Variants in KCNQ5 observed in about 807,000 individuals in gnomAD.
KCNQ5 encodes potassium voltage-gated channel subfamily Q member 5, also known as potassium voltage-gated channel subfamily KQT member 5.
KCNQ5 carries 30 observed loss-of-function variants against 98.2 expected under a neutral mutation model. That is an observed-to-expected ratio of 0.31 (90% CI 0.23 to 0.41). The LOEUF is 0.41. KCNQ5 is among the 10% of genes least tolerant of loss of function. The pLI is 1.00. For missense variants in KCNQ5, 835 were observed against 1,182.5 expected, an observed-to-expected ratio of 0.71 and a Z score of 4.31; for synonymous variants, 458 against 449.4, an observed-to-expected ratio of 1.02 and a Z score of -0.24.
intron 3 of KCNQ5, among the ~76,000 whole-genome samples, chr6:73,070,155 A>G (rs892073100): frequency 1.3e-5 from 2 of 152,234 alleles, no homozygotes; most frequent in Non-Finnish European, 2.9e-5. Flanking sequence ...TGATTCATTT[A>G]TTCTGAAATT....
At chr6:72,912,452 T>G (rs1212945171) in intron 1 of KCNQ5, among the ~76,000 whole-genome samples, 1 of 152,168 alleles carries the variant, frequency 6.6e-6, no homozygotes, top group Non-Finnish European at 1.5e-5. Flanking sequence ...ACAACTACTG[T>G]TTTCCTTTTT....
chr6:73,189,118 G>A (rs1765495950), intron 11 of KCNQ5, among the ~76,000 whole-genome samples: 1 of 151,718 alleles, frequency 6.6e-6, no homozygotes, highest in Admixed American at 6.6e-5. Context: ...ATTTTTCTCA[G>A]TTTTTTTGAT....
At chr6:73,049,247 G>A (rs563278297) in intron 3 of KCNQ5, among the ~76,000 whole-genome samples, 2 of 152,308 alleles carry the variant, frequency 1.3e-5, no homozygotes, top group South Asian at 2.1e-4. Flanking sequence ...TGTGCAGGAG[G>A]AGACTTTTAA....
At chr6:73,172,552 A>T (rs1778049699) in intron 11 of KCNQ5, among the ~76,000 whole-genome samples, 1 of 152,208 alleles carries the variant, frequency 6.6e-6, no homozygotes, top group Non-Finnish European at 1.5e-5. Flanking sequence ...TGCAGGTATA[A>T]GTCCTAAATC....
chr6:72,971,900 A>G (rs1163423012), intron 1 of KCNQ5, among the ~76,000 whole-genome samples: 2 of 152,228 alleles, frequency 1.3e-5, no homozygotes, highest in Non-Finnish European at 2.9e-5. Context: ...TGACGAGTTA[A>G]TGAGTGTAGC....
intron 1 of KCNQ5, among the ~76,000 whole-genome samples, chr6:72,655,326 A>C (rs76175462): frequency 6.6e-6 from 1 of 152,012 alleles, no homozygotes; most frequent in African/African-American, 2.4e-5. Context: ...TTTTAGCACT[A>C]TGTTAGGTGC....
At chr6:72,651,991 C>A (rs917195876) in intron 1 of KCNQ5, among the ~76,000 whole-genome samples, 1 of 151,712 alleles carries the variant, frequency 6.6e-6, no homozygotes, top group African/African-American at 2.4e-5. Flanking sequence ...TTTTTGATGA[C>A]GGTGGTTAGG....
At chr6:72,799,115 C>T (rs1774496809) in intron 1 of KCNQ5, among the ~76,000 whole-genome samples, 1 of 152,072 alleles carries the variant, frequency 6.6e-6, no homozygotes, top group Admixed American at 6.6e-5. Flanking sequence ...GACAGAGAGA[C>T]AGATTGCTTT....
At chr6:72,977,041 GTCA>G (rs1768188522) in intron 1 of KCNQ5, among the ~76,000 whole-genome samples, 2 of 152,276 alleles carry the variant, frequency 1.3e-5, no homozygotes, top group African/African-American at 2.4e-5. Flanking sequence ...ATAATTCATT[GTCA>G]TCATTGTTAT....
At chr6:72,804,309 A>G (rs1406248388) in intron 1 of KCNQ5, among the ~76,000 whole-genome samples, 1 of 150,910 alleles carries the variant, frequency 6.6e-6, no homozygotes, top group Non-Finnish European at 1.5e-5. Context: ...CATCCCCACT[A>G]CCCCCACCCC....
intron 10 of KCNQ5, chr6:73,158,254 ATTTTTTTTTT>A: frequency 4.4e-5 from 1 of 22,726 alleles, no homozygotes; most frequent in Non-Finnish European, 6.3e-5. Context: ...ATTTTGGAAG[ATTTTTTTTTT>A]TTTTTTTTTT....
chr6:73,037,403 C>A (rs1395191410), intron 2 of KCNQ5, among the ~76,000 whole-genome samples: 1 of 152,028 alleles, frequency 6.6e-6, no homozygotes, highest in Non-Finnish European at 1.5e-5. Flanking sequence ...CCTTTTATAA[C>A]TTCTGCTTTT....
chr6:72,825,809 T>C (rs577526246), intron 1 of KCNQ5, among the ~76,000 whole-genome samples: 1 of 152,126 alleles, frequency 6.6e-6, no homozygotes, highest in South Asian at 2.1e-4. Context: ...GTCAAATGAA[T>C]GAATGATGAA....
Position 72,987,523 on chromosome 6 carries a change from G to A in KCNQ5, c.399-16385G>A, listed in dbSNP as rs117214284. On this transcript the variant is annotated intron_variant, in intron 1 of 13. Coordinates refer to ENST00000370398, the MANE Select transcript of KCNQ5 (RefSeq NM_019842.4). Reference sequence around the variant, plus strand: ...AAAAACCTGTCCCCTTCGTTCAGCCGCCACCCCCTCCAAGCCCCGCAGCAC... The same window carrying A: ...AAAAACCTGTCCCCTTCGTTCAGCCACCACCCCCTCCAAGCCCCGCAGCAC... 1.2e-3 allele frequency: 791 copies of A among 657,836 alleles called. 12 individuals are homozygous for A. The East Asian group carries it at 0.022, about 19-fold the overall frequency. The allele number at this position is 657,836 out of a possible 1,614,324, so 40.7% of individuals were successfully genotyped here.
intron 1 of KCNQ5, among the ~76,000 whole-genome samples, chr6:72,828,762 C>T (rs1350957964): frequency 3.3e-5 from 5 of 151,872 alleles, no homozygotes. Context: ...ATGTGGATGC[C>T]TCTTTATTTT....
chr6:72,911,206 A>T (rs970649140), intron 1 of KCNQ5, among the ~76,000 whole-genome samples: 5 of 152,160 alleles, frequency 3.3e-5, no homozygotes, highest in African/African-American at 1.2e-4. Flanking sequence ...ATGACACCCA[A>T]CCCCAAATTT....
At chr6:72,953,515 A>G (rs1417416946) in intron 1 of KCNQ5, among the ~76,000 whole-genome samples, 1 of 152,222 alleles carries the variant, frequency 6.6e-6, no homozygotes. Context: ...TTCAAATCCA[A>G]TGAATCATAC....
At chr6:73,173,130 T>C (rs1473035066) in intron 11 of KCNQ5, among the ~76,000 whole-genome samples, 1 of 152,218 alleles carries the variant, frequency 6.6e-6, no homozygotes, top group Non-Finnish European at 1.5e-5. Flanking sequence ...AAAATATGTC[T>C]TTTACTCAGA....
intron 1 of KCNQ5, among the ~76,000 whole-genome samples, chr6:72,873,144 T>A (rs1455347797): frequency 2.6e-5 from 4 of 152,132 alleles, no homozygotes; most frequent in African/African-American, 9.7e-5. Context: ...TTGTTTTCAT[T>A]CTCTATAAAT....
Sources: gnomAD v4.1 joint callset for allele counts (sites outside exome capture counted in the v4.1 genomes callset) on GRCh38, gnomAD v4.1.1 for gene constraint, MANE v1.5 for transcripts, NCBI Gene and HGNC (gene_info 2026-07-23, HGNC 2026-07-21) for gene names.